The following CEACAM4 variants were observed in gnomAD, a reference collection of about 807,000 sequenced individuals.
CEACAM4 encodes the protein cell adhesion molecule CEACAM4.
A neutral mutation model predicts 28.7 loss-of-function variants in CEACAM4; 30 were observed. The ratio of observed to expected loss-of-function variants is 1.05; its 90% CI spans 0.78 to 1.42. The LOEUF (loss-of-function observed/expected upper bound fraction) is 1.42. CEACAM4 is among the 40% of genes most tolerant of loss of function. The pLI, the probability that CEACAM4 is intolerant of heterozygous loss-of-function variation, is 0.00. For missense variants in CEACAM4, 330 were observed against 308.2 expected (o/e 1.07, Z -0.53); for synonymous variants, 143 against 126.5 (o/e 1.13, Z -0.87).
the CEACAM4 span, among the ~76,000 whole-genome samples, chr19:41,613,437 A>T: frequency 6.6e-6 from 1 of 152,052 alleles, no homozygotes; most frequent in African/African-American, 2.4e-5. Context: ...CGAGAGACAT[A>T]AGATGAAAAT....
At position 41,624,261 on chromosome 19, in the gene CEACAM4, T is replaced by C. The variant is rs1178747659; in HGVS notation, c.424+1340A>G. ...ATAGATCATTCCTTCATTCATTCCC[T>C]CCCTCCTTCATGAGAGAACTACGGA... On this transcript the variant is annotated intron_variant, in intron 2 of 6. Transcript: ENST00000221954. 5.9e-5 allele frequency among the ~76,000 whole-genome samples: 9 copies of C among 152,288 alleles called. No individual in the cohort carries two copies. The East Asian group carries it at 9.6e-4, about 16-fold the overall frequency.
At chr19:41,617,401 G>A (rs184702730), downstream of CEACAM4, among the ~76,000 whole-genome samples, 10 of 152,300 alleles carry the variant, frequency 6.6e-5, no homozygotes, top group Admixed American at 5.9e-4. Context: ...TGTAGTGAAC[G>A]ATGATGAGAA....
In CEACAM4 at chr19:41,620,638, T is replaced by A. The variant is rs782245558; in HGVS notation, c.543-11A>T. 1 of 1,611,064 alleles carries A rather than the reference T, an allele frequency of 6.2e-7. No individual in the cohort carries two copies. The highest frequency in any genetic ancestry group is 2.2e-5 in the East Asian group (1 of 44,790). ...CGCTGGATGCTGGCCCTAGGAAAGG[T>A]CAGGATTATTCATGAGGGTGCAGGG... On this transcript the variant is annotated splice_polypyrimidine_tract_variant and intron_variant, in intron 3 of 6. Transcript: ENST00000221954.
chr19:41,622,857 G>T (rs904517234), intron 2 of CEACAM4, among the ~76,000 whole-genome samples: 5,411 of 108,744 alleles, frequency 0.05, 115 homozygotes, highest in African/African-American at 0.11. Context: ...CATATATATA[G>T]ATAGATAGAT....
At chr19:41,622,018 C>T (rs898046554) in intron 2 of CEACAM4, among the ~76,000 whole-genome samples, 5 of 152,128 alleles carry the variant, frequency 3.3e-5, no homozygotes, top group Non-Finnish European at 7.4e-5. Context: ...CCTCGCCCTG[C>T]TCCTGTACCT....
downstream of CEACAM4, among the ~76,000 whole-genome samples, chr19:41,618,603 G>T (rs1555799572): frequency 2.0e-5 from 3 of 152,140 alleles, no homozygotes; most frequent in Non-Finnish European, 2.9e-5. Context: ...AGGGCAGCAG[G>T]GGTCAGGACA....
chr19:41,619,436 T>A (rs782053614), intron 6 of CEACAM4, 41 bp from the exon 7 acceptor site: 1 of 1,608,928 alleles, frequency 6.2e-7, no homozygotes, highest in Admixed American at 1.7e-5. Flanking sequence ...TGTAGCCTTC[T>A]CAGAACAGTG....
In CEACAM4 at chr19:41,625,733, G is replaced by C. The variant is rs782677805; in HGVS notation, c.292C>G (p.Arg98Gly). ...GATCCATTGGGGTATACTGTCTCTCGACCACTGTATGCGGCCCCTGGGATA... is the reference window on the plus strand; with the variant it reads ...GATCCATTGGGGTATACTGTCTCTCCACCACTGTATGCGGCCCCTGGGATA... ...ANIPGAAYSG[R>G]ETVYPNGSLL... Residue 98 changes from arginine (R) to glycine (G), a missense_variant, in exon 2 of 7, where the codon CGA becomes GGA. Physicochemically the swap from Arg to Gly is moderately radical, Grantham distance 125. Transcript: ENST00000221954. The C allele has an allele frequency of 1.5e-5, 24 of 1,613,862 alleles. No homozygotes were observed. The highest frequency in any genetic ancestry group is 2.0e-5 in the Non-Finnish European group (24 of 1,179,966).
chr19:41,625,229 C>T (rs782699788), intron 2 of CEACAM4, among the ~76,000 whole-genome samples: 7 of 152,322 alleles, frequency 4.6e-5, no homozygotes, highest in African/African-American at 9.6e-5. Flanking sequence ...CGGGGTCACA[C>T]GGAGTCAGGA....
At chr19:41,617,480 T>G (rs2071003920), downstream of CEACAM4, among the ~76,000 whole-genome samples, 1 of 152,152 alleles carries the variant, frequency 6.6e-6, no homozygotes, top group African/African-American at 2.4e-5. Context: ...CATCCCCAGA[T>G]CTGTGGACAT....
At chr19:41,622,461 G>C (rs2122530952) in intron 2 of CEACAM4, among the ~76,000 whole-genome samples, 1 of 152,126 alleles carries the variant, frequency 6.6e-6, no homozygotes, top group East Asian at 1.9e-4. Flanking sequence ...GAGCGGGGAT[G>C]ATGTTCATTG....
chr19:41,625,745 C>T lies in CEACAM4; in HGVS notation c.280G>A (p.Ala94Thr), dbSNP rs782116692. The T allele has an allele frequency of 6.2e-6, 10 of 1,613,948 alleles. No individual in the cohort carries two copies. The highest frequency in any genetic ancestry group is 3.3e-5 in the Admixed American group (2 of 60,006). The change falls in exon 2 of 7, where the codon GCA (alanine) becomes ACA (threonine). Residue 94 changes from alanine to threonine, a missense_variant. Transcript: ENST00000221954. ...TDIQANIPGA[A>T]YSGRETVYPN... ...TATACTGTCTCTCGACCACTGTATGCGGCCCCTGGGATATTTGCTTGAATG... is the reference window on the plus strand; with the variant it reads ...TATACTGTCTCTCGACCACTGTATGTGGCCCCTGGGATATTTGCTTGAATG...
At chr19:41,619,510 A>C in intron 6 of CEACAM4, 115 bp from the exon 7 acceptor site, 1 of 1,564,778 alleles carries the variant, frequency 6.4e-7, no homozygotes, top group African/African-American at 1.4e-5. Flanking sequence ...GGCTGTGCTC[A>C]GGGGGTCCCT....
chr19:41,614,561 A>T (rs1039575794), downstream of CEACAM4, among the ~76,000 whole-genome samples: 10 of 152,174 alleles, frequency 6.6e-5, no homozygotes, highest in Admixed American at 3.9e-4. Context: ...TTGCCCACAC[A>T]TCATCCATAT....
rs1555800851 is a variant in CEACAM4, at chr19:41,620,563, A to G, written c.595+12T>C. ...CTAGGGGCTCCCACACCTGGGCTGA[A>G]GGGACACTCACCAGGGGTGGAGGCT... On this transcript the variant is annotated intron_variant, in intron 4 of 6. Transcript: ENST00000221954. 6.2e-7 allele frequency: 1 copy of G among 1,610,892 alleles called. No homozygotes were observed.
chr19:41,620,107 G>T (rs1046861599), intron 5 of CEACAM4, 104 bp downstream of exon 5: 69 of 1,078,010 alleles, frequency 6.4e-5, no homozygotes, highest in African/African-American at 3.3e-5. Context: ...ACTGTTCTGG[G>T]GAAAGGTGGG....
chr19:41,619,599 A>G, intron 6 of CEACAM4, 71 bp downstream of exon 6: 2 of 1,565,478 alleles, frequency 1.3e-6, no homozygotes. Context: ...GAGCTCAGCC[A>G]GGTGCTGGTG....
At chr19:41,621,923 C>A (rs1240783147) in intron 2 of CEACAM4, among the ~76,000 whole-genome samples, 155 bp from the exon 3 acceptor site, 3 of 152,154 alleles carry the variant, frequency 2.0e-5, no homozygotes, top group African/African-American at 7.2e-5. Flanking sequence ...GACTCCCTTG[C>A]TCTCCACGGT....
At chr19:41,614,410 G>A (rs576570737), downstream of CEACAM4, among the ~76,000 whole-genome samples, 12 of 152,306 alleles carry the variant, frequency 7.9e-5, no homozygotes, top group Admixed American at 3.9e-4. Context: ...GAGCGTGTGC[G>A]CGTTAAACAT....
Sources: allele counts gnomAD v4.1 joint callset (sites outside exome capture counted in the v4.1 genomes callset), GRCh38; gene constraint gnomAD v4.1.1; transcripts MANE v1.5; gene names NCBI Gene and HGNC (gene_info 2026-07-23, HGNC 2026-07-21).